The following COMMD10 variants were observed in gnomAD, a reference collection of about 807,000 sequenced individuals.
COMMD10 encodes COMM domain containing 10, also known as COMM domain-containing protein 10.
A neutral mutation model predicts 28.9 loss-of-function variants in COMMD10; 33 were observed. The ratio of observed to expected loss-of-function variants is 1.14; its 90% CI spans 0.87 to 1.53. COMMD10 has a LOEUF of 1.53. Among genes scored for constraint, COMMD10 ranks in the 40% most tolerant of loss-of-function variants. The pLI is 0.00. For missense variants in COMMD10, 310 were observed against 233.4 expected (o/e 1.33, Z -2.14); for synonymous variants, 110 against 81.7 (o/e 1.35, Z -1.87).
At chr5:116,270,218 C>G (rs1270826957) in intron 5 of COMMD10, among the ~76,000 whole-genome samples, 2 of 151,826 alleles carry the variant, frequency 1.3e-5, no homozygotes, top group Admixed American at 1.3e-4. Flanking sequence ...TTTATTTAGG[C>G]TTTTCGAAAG....
In COMMD10 at chr5:116,264,725, G is replaced by T. The variant is rs139689275; in HGVS notation, c.511-26792G>T. On this transcript the variant is annotated intron_variant, in intron 5 of 6. Coordinates refer to ENST00000274458, the MANE Select transcript of COMMD10 (RefSeq NM_016144.4). ...TAACATTTTTTTTCTTTAGGAGCTT[G>T]ATGGAGAGATATACCATTTCTGTCA... Among the ~76,000 whole-genome samples the T allele has an allele frequency of 7.2e-5, 11 of 151,926 alleles. 1 individual carries two copies. The highest frequency in any genetic ancestry group is 2.4e-4 in the African/African-American group (10 of 41,312).
chr5:116,251,626 T>C (rs1205649958), intron 5 of COMMD10, among the ~76,000 whole-genome samples: 44 of 144,628 alleles, frequency 3.0e-4, no homozygotes, highest in African/African-American at 2.6e-4. Context: ...CATGAACTCA[T>C]CATTTTTTAT....
chr5:116,254,027 A>C (rs1346841925), intron 5 of COMMD10, among the ~76,000 whole-genome samples: 5 of 152,110 alleles, frequency 3.3e-5, no homozygotes, highest in African/African-American at 1.2e-4. Context: ...TATTCTTGGG[A>C]GAGTATATGT....
intron 5 of COMMD10, among the ~76,000 whole-genome samples, chr5:116,204,045 G>T (rs989234747): frequency 3.9e-5 from 6 of 152,176 alleles, no homozygotes; most frequent in African/African-American, 1.4e-4. Flanking sequence ...GATGGAGGAA[G>T]ATCTCCCAAG....
chr5:116,270,701 C>T (rs1405267945), intron 5 of COMMD10, among the ~76,000 whole-genome samples: 2 of 151,574 alleles, frequency 1.3e-5, no homozygotes, highest in African/African-American at 4.9e-5. Context: ...CTTTGGGAGG[C>T]CGAGGTGGAT....
At chr5:116,236,105 G>A (rs190941016) in intron 5 of COMMD10, among the ~76,000 whole-genome samples, 4 of 152,216 alleles carry the variant, frequency 2.6e-5, no homozygotes, top group Non-Finnish European at 5.9e-5. Context: ...AAGTAGAGCA[G>A]AGGAGGAAAT....
intron 5 of COMMD10, among the ~76,000 whole-genome samples, chr5:116,193,311 C>T (rs896519562): frequency 3.9e-5 from 6 of 152,164 alleles, no homozygotes; most frequent in African/African-American, 1.4e-4. Flanking sequence ...AGTGGTACCT[C>T]ACATATCAAT....
At chr5:116,267,969 C>G (rs904398012) in intron 5 of COMMD10, among the ~76,000 whole-genome samples, 1 of 151,622 alleles carries the variant, frequency 6.6e-6, no homozygotes, top group African/African-American at 2.4e-5. Flanking sequence ...TAAAGACTTA[C>G]ATGTTAGACC....
chr5:116,256,497 T>G (rs1750289888), intron 5 of COMMD10, among the ~76,000 whole-genome samples: 1 of 151,716 alleles, frequency 6.6e-6, no homozygotes, highest in Non-Finnish European at 1.5e-5. Context: ...GAATCTTGAT[T>G]AATGGTTCTT....
chr5:116,266,117 G>A (rs1750579034), intron 5 of COMMD10, among the ~76,000 whole-genome samples: 1 of 151,648 alleles, frequency 6.6e-6, no homozygotes, highest in Admixed American at 6.6e-5. Context: ...GTCAAGTGAA[G>A]TTAATTAGAG....
At chr5:116,152,075 C>T (rs967402646) in intron 5 of COMMD10, among the ~76,000 whole-genome samples, 2 of 151,914 alleles carry the variant, frequency 1.3e-5, no homozygotes, top group Admixed American at 6.6e-5. Context: ...CTCATTGGTT[C>T]AAAAGAACAT....
At chr5:116,111,989 T>C (rs140512918) in intron 4 of COMMD10, among the ~76,000 whole-genome samples, 430 of 152,322 alleles carry the variant, frequency 2.8e-3, no homozygotes, top group Non-Finnish European at 4.7e-3. Flanking sequence ...TGTCCTCTTG[T>C]AGAACTGACA....
chr5:116,123,626 A>G (rs958511572), intron 4 of COMMD10, among the ~76,000 whole-genome samples: 2 of 152,094 alleles, frequency 1.3e-5, no homozygotes, highest in Admixed American at 6.6e-5. Context: ...GTTGTTTGGA[A>G]TAGTTTCAGA....
intron 5 of COMMD10, among the ~76,000 whole-genome samples, chr5:116,166,348 AT>A: frequency 6.6e-6 from 1 of 152,050 alleles, no homozygotes; most frequent in Admixed American, 6.5e-5. Context: ...AGACATACCC[AT>A]TTTTTTCAGG....
At chr5:116,171,389 A>C (rs769968734) in intron 5 of COMMD10, among the ~76,000 whole-genome samples, 1 of 152,206 alleles carries the variant, frequency 6.6e-6, no homozygotes, top group African/African-American at 2.4e-5. Context: ...GGGAGTGTAA[A>C]TTAGTTCAAC....
rs375882701 is a variant in COMMD10, at chr5:116,227,573, A to T, written c.511-63944A>T. On this transcript the variant is annotated intron_variant, in intron 5 of 6. Coordinates refer to ENST00000274458, the MANE Select transcript of COMMD10 (RefSeq NM_016144.4). ...CTCTGCCACAGGTAATAACCCGTCC[A>T]CTATTACCTGTGGGGGTTATGGAAC... Among the ~76,000 whole-genome samples the T allele has an allele frequency of 3.9e-5, 6 of 152,236 alleles. No homozygotes were observed. In the East Asian group the frequency reaches 9.6e-4, roughly 24 times the overall value.
intron 4 of COMMD10, among the ~76,000 whole-genome samples, chr5:116,120,371 G>A (rs1009564908): frequency 3.9e-5 from 6 of 152,054 alleles, no homozygotes; most frequent in African/African-American, 1.2e-4. Flanking sequence ...AGGAAGATGA[G>A]GGATAAAAGA....
chr5:116,117,514 T>C (rs1205309608), intron 4 of COMMD10, among the ~76,000 whole-genome samples: 1 of 152,170 alleles, frequency 6.6e-6, no homozygotes, highest in Admixed American at 6.5e-5. Context: ...CAGGCTGGAG[T>C]GTGCAGTGGC....
intron 5 of COMMD10, among the ~76,000 whole-genome samples, chr5:116,265,010 A>G (rs552480611): frequency 6.6e-6 from 1 of 151,828 alleles, no homozygotes; most frequent in South Asian, 2.1e-4. Context: ...TTATATTATT[A>G]TGGCTTAATC....
Sources: gnomAD v4.1 joint callset for allele counts (sites outside exome capture counted in the v4.1 genomes callset) on GRCh38, gnomAD v4.1.1 for gene constraint, MANE v1.5 for transcripts, NCBI Gene and HGNC (gene_info 2026-07-23, HGNC 2026-07-21) for gene names.